The following TNRC6B variants were observed in gnomAD, a reference collection of about 807,000 sequenced individuals.
The protein encoded by TNRC6B is trinucleotide repeat containing adaptor 6B, also known as trinucleotide repeat-containing gene 6B protein.
A neutral mutation model predicts 203.6 loss-of-function variants in TNRC6B; 52 were observed. The ratio of observed to expected loss-of-function variants is 0.26; its 90% CI spans 0.20 to 0.32. The LOEUF (loss-of-function observed/expected upper bound fraction) is 0.32. TNRC6B is among the 10% of genes least tolerant of loss of function. TNRC6B has a pLI of 1.00. For missense variants in TNRC6B, 1,923 were observed against 2,286.2 expected (o/e 0.84, Z 3.24); for synonymous variants, 838 against 845.7 (o/e 0.99, Z 0.16).
Position 40,323,713 on chromosome 22 carries a change from A to G in TNRC6B, c.*472A>G, listed in dbSNP as rs1013605296. ...CCATGTTTGGGAGGGAGGGAAATTC[A>G]AAAGAATTGTTGGGGGAGGGGGGAG... On this transcript the variant is annotated 3_prime_UTR_variant, in exon 23 of 23. Coordinates refer to ENST00000454349, the MANE Select transcript of TNRC6B (RefSeq NM_001162501.2). 1 of 135,734 alleles carries G rather than the reference A, an allele frequency of 7.4e-6. No homozygotes were observed. The highest frequency in any genetic ancestry group is 2.7e-5 in the African/African-American group (1 of 36,822). 8.4% of individuals were successfully genotyped at this position (135,734 alleles called of 1,614,324 possible).
At chr22:40,203,291 C>A (rs2069437479) in intron 1 of TNRC6B, among the ~76,000 whole-genome samples, 2 of 152,094 alleles carry the variant, frequency 1.3e-5, no homozygotes, top group African/African-American at 2.4e-5. Flanking sequence ...CTGGCCCACC[C>A]CCTTAATGGA....
At chr22:40,051,314 T>C (rs531119234) in intron 1 of TNRC6B, among the ~76,000 whole-genome samples, 165 of 152,324 alleles carry the variant, frequency 1.1e-3, no homozygotes, top group Non-Finnish European at 2.0e-3. Flanking sequence ...TAAACTGTGC[T>C]AAGCTCACTA....
chr22:40,315,895 G>GT (rs1157922086), intron 20 of TNRC6B, 47 bp from the exon 21 acceptor site: 1 of 1,459,920 alleles, frequency 6.8e-7, no homozygotes, highest in African/African-American at 1.4e-5. Context: ...GGCTTTTCTT[G>GT]TTTTTGTTTT....
chr22:40,090,891 A>C (rs1344613992), intron 1 of TNRC6B, among the ~76,000 whole-genome samples: 1 of 152,240 alleles, frequency 6.6e-6, no homozygotes, highest in African/African-American at 2.4e-5. Context: ...AAGTCATAAA[A>C]GACTGTGATC....
At chr22:40,131,949 T>C (rs1174140084) in intron 3 of TNRC6B, among the ~76,000 whole-genome samples, 1 of 152,382 alleles carries the variant, frequency 6.6e-6, no homozygotes, top group Middle Eastern at 3.4e-3. Flanking sequence ...TCAGGGCTTA[T>C]TTAATTTTTC....
intron 1 of TNRC6B, among the ~76,000 whole-genome samples, chr22:40,108,046 C>CTT (rs1464302777): frequency 6.6e-6 from 1 of 151,876 alleles, no homozygotes; most frequent in Non-Finnish European, 1.5e-5. Context: ...GTTAAATTTG[C>CTT]TTTTTAAGAC....
intron 1 of TNRC6B, among the ~76,000 whole-genome samples, chr22:40,107,856 C>T (rs1004832566): frequency 2.0e-5 from 3 of 151,092 alleles, no homozygotes; most frequent in Non-Finnish European, 4.4e-5. Context: ...GTATGCAAAC[C>T]GCATCCAGAA....
Position 40,334,455 on chromosome 22 carries a change from T to C in TNRC6B, c.*11214T>C, listed in dbSNP as rs1314072257. ...GCTCAACTGTTCCCACTCCTAACTC[T>C]CCACTATGTGCTTATAACTTCACAT... On this transcript the variant is annotated 3_prime_UTR_variant, in exon 23 of 23. Coordinates refer to ENST00000454349, the MANE Select transcript of TNRC6B (RefSeq NM_001162501.2). 1 of 152,502 alleles carries C rather than the reference T, an allele frequency of 6.6e-6. No individual in the cohort carries two copies. Among genetic ancestry groups the C allele is most frequent in the Admixed American group, 6.5e-5 (1 of 15,282 alleles). 9.4% of individuals were successfully genotyped at this position (152,502 alleles called of 1,614,324 possible).
intron 1 of TNRC6B, chr22:40,045,480 G>C (rs1810594396): frequency 6.6e-6 from 1 of 152,114 alleles, no homozygotes; most frequent in Non-Finnish European, 1.5e-5. Flanking sequence ...TTCCCGGCCC[G>C]CGGAGGCGCG....
At chr22:40,221,096 G>A (rs138029) in intron 1 of TNRC6B, among the ~76,000 whole-genome samples, 94,062 of 151,984 alleles carry the variant, frequency 0.62, 33,533 homozygotes, top group East Asian at 0.99. Flanking sequence ...TCCCAACTCT[G>A]TCGATACCTG....
At chr22:40,255,065 G>A (rs772462968) in intron 3 of TNRC6B, among the ~76,000 whole-genome samples, 6 of 152,076 alleles carry the variant, frequency 3.9e-5, no homozygotes, top group African/African-American at 1.2e-4. Flanking sequence ...ACCTGGGTTC[G>A]TTGAGCTCCC....
At chr22:40,108,770 G>A (rs796421297) in intron 1 of TNRC6B, among the ~76,000 whole-genome samples, 15 of 152,280 alleles carry the variant, frequency 9.9e-5, no homozygotes, top group African/African-American at 3.1e-4. Flanking sequence ...AATTTAAAAA[G>A]CAATAGTTTA....
At chr22:40,157,372 GT>G (rs1354728131) in intron 4 of TNRC6B, among the ~76,000 whole-genome samples, 2 of 151,958 alleles carry the variant, frequency 1.3e-5, no homozygotes, top group Non-Finnish European at 2.9e-5. Context: ...CTAGAAAATA[GT>G]TTAATTTTGG....
intron 1 of TNRC6B, among the ~76,000 whole-genome samples, chr22:40,050,072 C>T (rs1486572069): frequency 6.6e-6 from 1 of 151,928 alleles, no homozygotes; most frequent in African/African-American, 2.4e-5. Context: ...AAGTTTGCAA[C>T]CCTGGAGCAT....
Position 40,280,433 on chromosome 22 carries a change from G to A in TNRC6B, c.3411+290G>A, listed in dbSNP as rs142723845. On this transcript the variant is annotated intron_variant, in intron 10 of 22. Transcript: ENST00000454349. ...AAACTTACTCTGCATTCTTTTTTCC[G>A]CTGCTGTGCAGCTACAAAATAAATT... 1.5e-4 allele frequency among the ~76,000 whole-genome samples: 23 copies of A among 152,260 alleles called. No homozygotes were observed. In the East Asian group the frequency reaches 1.9e-3, roughly 13 times the overall value.
intron 4 of TNRC6B, among the ~76,000 whole-genome samples, chr22:40,159,725 A>G (rs2068855231): frequency 6.6e-6 from 1 of 152,074 alleles, no homozygotes; most frequent in African/African-American, 2.4e-5. Context: ...TTTTCTGTAC[A>G]TTTTTAAACA....
intron 4 of TNRC6B, among the ~76,000 whole-genome samples, chr22:40,164,482 AC>A (rs2068900305): frequency 6.7e-6 from 1 of 149,552 alleles, no homozygotes; most frequent in Non-Finnish European, 1.5e-5. Flanking sequence ...TTTTATTTTG[AC>A]CAGGCACAGT....
At chr22:40,232,030 A>G (rs1023766456) in intron 1 of TNRC6B, among the ~76,000 whole-genome samples, 1 of 152,196 alleles carries the variant, frequency 6.6e-6, no homozygotes, top group Non-Finnish European at 1.5e-5. Context: ...AAGTGCAGGG[A>G]AGATCAGGAG....
At chr22:40,247,062 G>A (rs1295122002) in intron 2 of TNRC6B, among the ~76,000 whole-genome samples, 1 of 152,186 alleles carries the variant, frequency 6.6e-6, no homozygotes, top group East Asian at 1.9e-4. Context: ...TTGCCTCAGA[G>A]CATGCCCCTC....
Sources: gnomAD v4.1 joint callset for allele counts (sites outside exome capture counted in the v4.1 genomes callset) on GRCh38, gnomAD v4.1.1 for gene constraint, MANE v1.5 for transcripts, NCBI Gene and HGNC (gene_info 2026-07-23, HGNC 2026-07-21) for gene names.